Variants in EIF2AK2 observed in about 807,000 individuals in gnomAD.
EIF2AK2 encodes interferon-induced, double-stranded RNA-activated protein kinase.
EIF2AK2 carries 40 observed loss-of-function variants against 70.5 expected under a neutral mutation model. That is an observed-to-expected ratio of 0.57 (90% CI 0.44 to 0.74). EIF2AK2 has a LOEUF of 0.74. EIF2AK2 is among the 30% of genes least tolerant of loss of function. The pLI is 0.00. For missense variants in EIF2AK2, 555 were observed against 644.3 expected, an observed-to-expected ratio of 0.86 and a Z score of 1.50; for synonymous variants, 198 against 220.9, an observed-to-expected ratio of 0.90 and a Z score of 0.92.
intron 1 of EIF2AK2, among the ~76,000 whole-genome samples, chr2:37,153,909 T>A (rs180720292): frequency 1.4e-3 from 213 of 152,368 alleles, no homozygotes; most frequent in Non-Finnish European, 2.7e-3. Context: ...TTTTCCACAG[T>A]GGTTACACCC....
intron 4 of EIF2AK2, among the ~76,000 whole-genome samples, chr2:37,143,522 A>G (rs1675415339): frequency 6.6e-6 from 1 of 152,202 alleles, no homozygotes; most frequent in African/African-American, 2.4e-5. Flanking sequence ...AAAAAAAATG[A>G]TGGTTGCATC....
intron 5 of EIF2AK2, 64 bp from the exon 6 acceptor site, chr2:37,139,821 T>C: frequency 6.7e-7 from 1 of 1,501,940 alleles, no homozygotes; most frequent in South Asian, 1.2e-5. Context: ...AACTTAGGAT[T>C]CAAAAAAAAT....
chr2:37,123,028 C>T (rs1674609389), intron 11 of EIF2AK2, among the ~76,000 whole-genome samples: 1 of 151,838 alleles, frequency 6.6e-6, no homozygotes, highest in African/African-American at 2.4e-5. Flanking sequence ...TTTAGCTGGG[C>T]ACAGTGGCGC....
At chr2:37,141,831 T>G in intron 4 of EIF2AK2, 130 bp from the exon 5 acceptor site, 1 of 1,006,470 alleles carries the variant, frequency 9.9e-7, no homozygotes, top group Non-Finnish European at 1.4e-6. Context: ...ATTTTCCTAT[T>G]ATATTACCTT....
intron 1 of EIF2AK2, among the ~76,000 whole-genome samples, chr2:37,153,678 C>A (rs1675823364): frequency 6.6e-6 from 1 of 152,138 alleles, no homozygotes; most frequent in Non-Finnish European, 1.5e-5. Context: ...CTTTTTAAGG[C>A]TGAATAATAT....
intron 2 of EIF2AK2, among the ~76,000 whole-genome samples, chr2:37,148,164 G>C (rs932276605): frequency 1.4e-4 from 21 of 151,998 alleles, no homozygotes; most frequent in African/African-American, 4.6e-4. Flanking sequence ...TTTTGAAATT[G>C]TTTTAAAAAA....
chr2:37,145,141 G>GTTTTTTT (rs57402760), intron 4 of EIF2AK2, among the ~76,000 whole-genome samples: 1 of 129,096 alleles, frequency 7.7e-6, no homozygotes, highest in Non-Finnish European at 1.6e-5. Context: ...GGTTTTGTGG[G>GTTTTTTT]TTTTTTTTTT....
In EIF2AK2 at chr2:37,101,988, C is replaced by G. The variant is rs1351559593; in HGVS notation, c.*5285G>C. The G allele has an allele frequency of 6.6e-6, 1 of 152,176 alleles. No individual in the cohort carries two copies. Among genetic ancestry groups the G allele is most frequent in the East Asian group, 1.9e-4 (1 of 5,174 alleles). 9.4% of individuals were successfully genotyped at this position (152,176 alleles called of 1,614,324 possible). ...TCCAGTAGGGCCGGATATTGTAATC[C>G]CAGCAGTTTGGAAGACCAAGGCAGG... On this transcript the variant is annotated 3_prime_UTR_variant, in exon 17 of 17. Transcript: ENST00000233057.
At chr2:37,135,134 C>G (rs1230655268) in intron 10 of EIF2AK2, among the ~76,000 whole-genome samples, 1 of 152,112 alleles carries the variant, frequency 6.6e-6, no homozygotes, top group African/African-American at 2.4e-5. Flanking sequence ...CTAATAATGG[C>G]TGAAAAAAGG....
At chr2:37,119,871 C>T (rs1674475106) in intron 13 of EIF2AK2, 88 bp downstream of exon 13, 5 of 770,510 alleles carry the variant, frequency 6.5e-6, no homozygotes, top group East Asian at 8.9e-5. Flanking sequence ...AGATTATAGG[C>T]GTGAGCCACT....
At chr2:37,124,342 A>T (rs551775252) in intron 11 of EIF2AK2, among the ~76,000 whole-genome samples, 1 of 151,402 alleles carries the variant, frequency 6.6e-6, no homozygotes, top group Non-Finnish European at 1.5e-5. Flanking sequence ...GCTCACTGCA[A>T]CCTCCGCCTC....
At chr2:37,126,551 T>C in intron 10 of EIF2AK2, 140 bp from the exon 11 acceptor site, 4 of 1,311,224 alleles carry the variant, frequency 3.1e-6, no homozygotes, top group Admixed American at 3.0e-5. Flanking sequence ...ATAAGAAAGA[T>C]CCACTTGGCA....
intron 12 of EIF2AK2, among the ~76,000 whole-genome samples, chr2:37,121,216 T>C (rs965770725): frequency 7.8e-6 from 1 of 128,380 alleles, no homozygotes; most frequent in Non-Finnish European, 1.6e-5. Flanking sequence ...TGAGCCAAGA[T>C]TGCACCACTG....
At chr2:37,138,137 G>C in intron 8 of EIF2AK2, 133 bp downstream of exon 8, 1 of 597,138 alleles carries the variant, frequency 1.7e-6, no homozygotes, top group African/African-American at 1.9e-5. Flanking sequence ...AGTCTACTGA[G>C]GTATTATCAT....
At chr2:37,150,944 C>G (rs1380497574) in intron 1 of EIF2AK2, among the ~76,000 whole-genome samples, 2 of 151,994 alleles carry the variant, frequency 1.3e-5, no homozygotes, top group Non-Finnish European at 2.9e-5. Context: ...AAATTATAAA[C>G]AAAATTTAGA....
chr2:37,131,094 AT>A (rs1399861683), intron 10 of EIF2AK2, among the ~76,000 whole-genome samples: 2 of 152,164 alleles, frequency 1.3e-5, no homozygotes, highest in African/African-American at 4.8e-5. Flanking sequence ...TAGATAGCAA[AT>A]TTTGCCACTA....
intron 1 of EIF2AK2, among the ~76,000 whole-genome samples, chr2:37,150,799 T>C (rs78293594): frequency 0.032 from 4,861 of 152,330 alleles, 118 homozygotes; most frequent in South Asian, 0.064. Context: ...ACTGTATGGA[T>C]ATAGATTTCT....
At chr2:37,108,519 C>T (rs1181333644) in intron 15 of EIF2AK2, among the ~76,000 whole-genome samples, 1 of 152,180 alleles carries the variant, frequency 6.6e-6, no homozygotes, top group Non-Finnish European at 1.5e-5. Flanking sequence ...TTATGGCATT[C>T]TCTTATATTA....
intron 14 of EIF2AK2, among the ~76,000 whole-genome samples, chr2:37,111,187 G>A (rs1674131069): frequency 6.6e-6 from 1 of 152,130 alleles, no homozygotes; most frequent in Non-Finnish European, 1.5e-5. Context: ...TAAAGTTTCA[G>A]TTTTGCAAAA....
Sources: allele counts gnomAD v4.1 joint callset (sites outside exome capture counted in the v4.1 genomes callset), GRCh38; gene constraint gnomAD v4.1.1; transcripts MANE v1.5; gene names NCBI Gene and HGNC (gene_info 2026-07-23, HGNC 2026-07-21).